The following KHDRBS1 variants were observed in gnomAD, a reference collection of about 807,000 sequenced individuals.
KHDRBS1 encodes KH RNA binding domain containing, signal transduction associated 1, also known as KH domain-containing, RNA-binding, signal transduction-associated protein 1.
KHDRBS1 carries 7 observed loss-of-function variants against 48.4 expected under a neutral mutation model. The observed-to-expected ratio is 0.14, with a 90% CI of 0.08 to 0.27. KHDRBS1 has a LOEUF of 0.27. Ranked by LOEUF, KHDRBS1 falls within the 10% of genes least tolerant of loss-of-function variation. KHDRBS1 has a pLI of 1.00. For missense variants in KHDRBS1, 458 were observed against 601.2 expected, an observed-to-expected ratio of 0.76 and a Z score of 2.49; for synonymous variants, 241 against 235.8, an observed-to-expected ratio of 1.02 and a Z score of -0.20.
chr1:32,037,666 G>C (rs1437298621), intron 5 of KHDRBS1, among the ~76,000 whole-genome samples, 169 bp from the exon 6 acceptor site: 1 of 152,150 alleles, frequency 6.6e-6, no homozygotes, highest in Admixed American at 6.5e-5. Flanking sequence ...ATAGGACCTG[G>C]GGGATCTTGC....
chr1:32,033,447 A>G, intron 4 of KHDRBS1, 113 bp downstream of exon 4: 1 of 1,376,226 alleles, frequency 7.3e-7, no homozygotes, highest in Non-Finnish European at 9.9e-7. Context: ...TGTATACCAA[A>G]TTCTGCACTT....
chr1:32,024,772 C>T (rs536783135), intron 1 of KHDRBS1, among the ~76,000 whole-genome samples: 31 of 152,152 alleles, frequency 2.0e-4, no homozygotes, highest in African/African-American at 7.5e-4. Flanking sequence ...GGTAATAGTT[C>T]TATGGTATTT....
Position 32,038,599 on chromosome 1 carries a change from C to A in KHDRBS1, c.1155C>A (p.Gly385=), listed in dbSNP as rs749091241. The A allele has an allele frequency of 6.2e-7, 1 of 1,613,968 alleles. No homozygotes were observed. Among genetic ancestry groups the A allele is most frequent in the Admixed American group, 1.7e-5 (1 of 60,008 alleles). The part of the protein sequence containing the change: ...YAEQSYEGYE[G]YYSQSQGDSE... ...AACAAAGTTACGAAGGCTACGAAGG[C>A]TATTACAGCCAGAGTCAAGGGTGAG... The change falls in exon 7 of 9, where the codon GGC becomes GGA. Residue 385 remains glycine, a synonymous_variant. Coordinates refer to ENST00000327300, the MANE Select transcript of KHDRBS1 (RefSeq NM_006559.3).
In KHDRBS1 at chr1:32,013,946, C is replaced by A. The variant is rs1460713421; in HGVS notation, c.-50C>A. On this transcript the variant is annotated 5_prime_UTR_variant, in exon 1 of 9. Transcript: ENST00000327300. ...CCCCCGCCAACCGCCGCTCGGGCCT[C>A]CGTCGCTGCCGCGTCGCTTTCTCGC... 2 of 1,387,060 alleles carry A rather than the reference C, an allele frequency of 1.4e-6. No homozygotes were observed. The allele number at this position is 1,387,060 out of a possible 1,614,324, so 85.9% of individuals were successfully genotyped here.
chr1:32,041,583 CTTTTTTTTTTTT>C lies in KHDRBS1; in HGVS notation c.1235-931_1235-920del, dbSNP rs370173805. 1.1e-3 allele frequency among the ~76,000 whole-genome samples: 82 copies of C among 75,588 alleles called. 1 individual carries two copies. Among genetic ancestry groups the C allele is most frequent in the Admixed American group, 7.1e-3 (35 of 4,910 alleles). The allele number at this position is 75,588 out of a possible 152,430, so 49.6% of individuals were successfully genotyped here. A position where few individuals can be genotyped will look rare whatever the true frequency, so the allele number is the denominator to read the frequency against. ...TTAAGAAAGGAGATAAGGAATTATC[CTTTTTTTTTTTT>C]TTTTTTTTTTTTGAGATGGAGTCTG... On this transcript the variant is annotated intron_variant, in intron 8 of 8. Coordinates refer to ENST00000327300, the MANE Select transcript of KHDRBS1 (RefSeq NM_006559.3).
intron 4 of KHDRBS1, among the ~76,000 whole-genome samples, chr1:32,034,759 C>T (rs1639144355): frequency 6.6e-6 from 1 of 151,550 alleles, no homozygotes; most frequent in Admixed American, 6.6e-5. Context: ...GGGTGGATCA[C>T]GAGGTCAGGA....
At chr1:32,059,177 A>AC (rs1183230350) in intron 10 of KHDRBS1, among the ~76,000 whole-genome samples, 19 of 151,410 alleles carry the variant, frequency 1.3e-4, no homozygotes, top group Non-Finnish European at 2.5e-4. Flanking sequence ...AAAAAAAAAA[A>AC]AAAAAAACAA....
chr1:32,016,420 T>G (rs1638741856), intron 1 of KHDRBS1, among the ~76,000 whole-genome samples: 1 of 152,154 alleles, frequency 6.6e-6, no homozygotes, highest in Non-Finnish European at 1.5e-5. Flanking sequence ...TCTACACACC[T>G]TCCCCGTTCC....
rs951207345 is a variant in KHDRBS1, at chr1:32,013,880, C to T, written c.-116C>T. On this transcript the variant is annotated 5_prime_UTR_variant, in exon 1 of 9. Transcript: ENST00000327300. ...TTTCCGGTGCTCTCTCTCGCTGGGT[C>T]GCTCGGGTCGGCTTCGGTCGCTACC... 91 of 998,610 alleles carry T rather than the reference C, an allele frequency of 9.1e-5. No homozygotes were observed. The African/African-American group carries it at 1.3e-3, about 14-fold the overall frequency. 61.9% of individuals were successfully genotyped at this position (998,610 alleles called of 1,614,324 possible).
At chr1:32,034,550 A>C (rs1639139449) in intron 4 of KHDRBS1, among the ~76,000 whole-genome samples, 1 of 152,038 alleles carries the variant, frequency 6.6e-6, no homozygotes, top group South Asian at 2.1e-4. Flanking sequence ...ACAAGAGTGA[A>C]ACTCCATCTC....
In KHDRBS1 at chr1:32,037,916, G is replaced by T; in HGVS notation, c.987G>T (p.Val329=). 1.2e-6 allele frequency: 2 copies of T among 1,614,254 alleles called. No individual in the cohort carries two copies. The highest frequency in any genetic ancestry group is 2.2e-5 in the South Asian group (2 of 91,086). Residue 329 remains valine, a synonymous_variant, in exon 6 of 9, where the codon GTG becomes GTT. Coordinates refer to ENST00000327300, the MANE Select transcript of KHDRBS1 (RefSeq NM_006559.3). ...VRGAITRGAT[V]TRGVPPPPTV... ...GAGCCATCACCAGAGGTGCCACTGTGACTCGAGGCGTGCCACCCCCACCTA... is the reference window on the plus strand; with the variant it reads ...GAGCCATCACCAGAGGTGCCACTGTTACTCGAGGCGTGCCACCCCCACCTA...
intron 1 of KHDRBS1, among the ~76,000 whole-genome samples, chr1:32,029,732 C>T (rs533108069): frequency 4.6e-5 from 7 of 152,254 alleles, no homozygotes; most frequent in East Asian, 1.9e-4. Flanking sequence ...ATAACGGTAA[C>T]GATATATTAA....
downstream of KHDRBS1, among the ~76,000 whole-genome samples, chr1:32,047,940 T>C (rs1639376080): frequency 6.6e-6 from 1 of 152,226 alleles, no homozygotes; most frequent in Non-Finnish European, 1.5e-5. Context: ...AATGGAATCA[T>C]ATAATATATG....
At chr1:32,020,616 TAAA>T (rs970503623) in intron 1 of KHDRBS1, among the ~76,000 whole-genome samples, 12 of 77,462 alleles carry the variant, frequency 1.5e-4, no homozygotes, top group South Asian at 4.2e-4. Flanking sequence ...TACTGTGCAA[TAAA>T]AAAAAAAAAA....
chr1:32,052,685 C>T (rs978147168), intron 10 of KHDRBS1: 2 of 152,176 alleles, frequency 1.3e-5, no homozygotes, highest in African/African-American at 2.4e-5. Context: ...GTGTGAGCCA[C>T]TGCGCCCAGC....
chr1:32,018,675 T>G (rs1433331005), intron 1 of KHDRBS1, among the ~76,000 whole-genome samples: 1 of 151,708 alleles, frequency 6.6e-6, no homozygotes, highest in Non-Finnish European at 1.5e-5. Context: ...GAGAATGGCG[T>G]GAACCCGGGA....
At chr1:32,040,687 C>T (rs753430426) in intron 8 of KHDRBS1, among the ~76,000 whole-genome samples, 70 of 152,172 alleles carry the variant, frequency 4.6e-4, no homozygotes, top group Non-Finnish European at 8.2e-4. Flanking sequence ...GTGGATGCAG[C>T]GAGAGCTACC....
chr1:32,041,144 G>T (rs1472307725), intron 8 of KHDRBS1, among the ~76,000 whole-genome samples: 1 of 152,094 alleles, frequency 6.6e-6, no homozygotes, highest in Admixed American at 6.5e-5. Flanking sequence ...TCTGATCTCT[G>T]CTTTGATTAA....
intron 7 of KHDRBS1, among the ~76,000 whole-genome samples, chr1:32,039,278 G>A (rs1038409254): frequency 1.5e-4 from 23 of 152,244 alleles, no homozygotes; most frequent in African/African-American, 5.5e-4. Flanking sequence ...ATTTAGGATT[G>A]TGCTTTTTCA....
Sources: allele counts gnomAD v4.1 joint callset (sites outside exome capture counted in the v4.1 genomes callset), GRCh38; gene constraint gnomAD v4.1.1; transcripts MANE v1.5; gene names NCBI Gene and HGNC (gene_info 2026-07-23, HGNC 2026-07-21).